The following SPTBN1 variants were observed in gnomAD, a reference collection of about 807,000 sequenced individuals.
SPTBN1 encodes the protein spectrin beta, non-erythrocytic 1.
Under a neutral mutation model 266.4 loss-of-function variants are expected in SPTBN1, and 32 were observed. The observed-to-expected ratio is 0.12, with a 90% CI of 0.09 to 0.16. The LOEUF (loss-of-function observed/expected upper bound fraction) is 0.16. Among genes scored for constraint, SPTBN1 ranks in the 10% least tolerant of loss-of-function variants. SPTBN1 has a pLI of 1.00. For missense variants in SPTBN1, 2,296 were observed against 3,067.1 expected, an observed-to-expected ratio of 0.75 and a Z score of 5.94; for synonymous variants, 1,336 against 1,162.2, an observed-to-expected ratio of 1.15 and a Z score of -3.04.
At chr2:54,556,781 C>T (rs1483156291) in intron 2 of SPTBN1, among the ~76,000 whole-genome samples, 1 of 151,946 alleles carries the variant, frequency 6.6e-6, no homozygotes, top group East Asian at 1.9e-4. Flanking sequence ...AGAACATTTC[C>T]ACATCATCTC....
intron 2 of SPTBN1, among the ~76,000 whole-genome samples, chr2:54,589,024 C>A (rs573379805): frequency 2.6e-5 from 4 of 152,044 alleles, no homozygotes; most frequent in African/African-American, 7.3e-5. Flanking sequence ...ATAATCACAT[C>A]GTGGAGAATG....
intron 1 of SPTBN1, among the ~76,000 whole-genome samples, chr2:54,486,619 A>AG (rs1470566069): frequency 6.6e-6 from 1 of 152,088 alleles, no homozygotes; most frequent in Non-Finnish European, 1.5e-5. Flanking sequence ...GGAAAACCAG[A>AG]GACCTTTTTT....
rs1223457938 is a variant in SPTBN1 at position 54,653,791 on chromosome 2, G to A, written c.5760G>A (p.Val1920=). The A allele has an allele frequency of 6.2e-7, 1 of 1,614,226 alleles. No individual in the cohort carries two copies. The highest frequency in any genetic ancestry group is 1.6e-4 in the Middle Eastern group (1 of 6,062). The change falls in exon 27 of 36, where the codon GTG becomes GTA. Residue 1920 remains valine (V), a synonymous_variant. Coordinates refer to ENST00000356805, the MANE Select transcript of SPTBN1 (RefSeq NM_003128.3). The surrounding 1 kb of genome is among the most constrained non-coding windows in gnomAD (Gnocchi z 5.1). ...TGDKFRFFSM[V]RDLMLWMEDV... Reference sequence around the variant, plus strand: ...ACAAGTTCCGCTTCTTCAGCATGGTGCGCGACCTCATGCTCTGGATGGAGG... The same window carrying A: ...ACAAGTTCCGCTTCTTCAGCATGGTACGCGACCTCATGCTCTGGATGGAGG...
intron 1 of SPTBN1, among the ~76,000 whole-genome samples, chr2:54,484,359 T>C (rs1481535320): frequency 2.0e-5 from 3 of 152,232 alleles, no homozygotes; most frequent in Non-Finnish European, 4.4e-5. Flanking sequence ...AGAAGAGGCC[T>C]GCTCTCCTTC....
chr2:54,457,049 G>A (rs1042279718), intron 1 of SPTBN1, among the ~76,000 whole-genome samples: 2 of 151,648 alleles, frequency 1.3e-5, no homozygotes, highest in African/African-American at 4.8e-5. Context: ...CAGGGGATGC[G>A]GCCAGGCGTG....
At chr2:54,551,276 A>G (rs1672550064) in intron 2 of SPTBN1, among the ~76,000 whole-genome samples, 1 of 152,202 alleles carries the variant, frequency 6.6e-6, no homozygotes, top group Admixed American at 6.5e-5. Context: ...TCTGGGCAAG[A>G]GCAGGCCTGG....
At chr2:54,651,243 A>G (rs943440049) in intron 26 of SPTBN1, among the ~76,000 whole-genome samples, 27 of 152,254 alleles carry the variant, frequency 1.8e-4, no homozygotes, top group African/African-American at 5.8e-4. Flanking sequence ...TTGCTCTCTC[A>G]TTTTTTCATT....
intron 2 of SPTBN1, among the ~76,000 whole-genome samples, chr2:54,559,611 T>G (rs1377802844): frequency 2.6e-5 from 4 of 152,326 alleles, no homozygotes; most frequent in African/African-American, 9.6e-5. Flanking sequence ...ACCAGTGTGC[T>G]GTTTTCCCTG....
At chr2:54,490,097 G>C (rs1042877975) in intron 1 of SPTBN1, among the ~76,000 whole-genome samples, 1 of 78,072 alleles carries the variant, frequency 1.3e-5, no homozygotes, top group East Asian at 3.5e-4. Flanking sequence ...TTTTTTTTTT[G>C]TGAGGCGGAG....
Position 54,653,494 on chromosome 2 carries a change from C to T in SPTBN1, c.5578-115C>T, listed in dbSNP as rs2104142066. ...TTGAGGGCTCCTTAAGGGGCATGGG[C>T]CATATTTTGACTCTGTGCTCCCTTT... On this transcript the variant is annotated intron_variant, in intron 26 of 35. Transcript: ENST00000356805. The surrounding 1 kb of genome is among the most constrained non-coding windows in gnomAD (Gnocchi z 5.1). 6.7e-7 allele frequency: 1 copy of T among 1,488,494 alleles called. No homozygotes were observed. Among genetic ancestry groups the T allele is most frequent in the Non-Finnish European group, 8.9e-7 (1 of 1,121,738 alleles). 92.2% of individuals were successfully genotyped at this position (1,488,494 alleles called of 1,614,324 possible).
intron 33 of SPTBN1, among the ~76,000 whole-genome samples, chr2:54,665,266 T>C (rs909754294): frequency 2.6e-5 from 4 of 152,188 alleles, no homozygotes; most frequent in Admixed American, 6.5e-5. Flanking sequence ...GTGCAGTTTG[T>C]TGCTGTGTGA....
chr2:54,592,264 G>A (rs72920521), intron 2 of SPTBN1, among the ~76,000 whole-genome samples: 2 of 152,156 alleles, frequency 1.3e-5, no homozygotes, highest in Admixed American at 6.5e-5. Flanking sequence ...AAAAAGAAAA[G>A]AAGTAGATGT....
intron 2 of SPTBN1, among the ~76,000 whole-genome samples, chr2:54,574,022 TAAATC>T (rs1674282074): frequency 2.0e-5 from 3 of 152,258 alleles, no homozygotes; most frequent in South Asian, 4.1e-4. Context: ...AACTCATAAT[TAAATC>T]TAAGAAATTT....
Position 54,618,118 on chromosome 2 carries a change from G to A in SPTBN1, c.688G>A (p.Ala230Thr), listed in dbSNP as rs760099132. ...IDFDKLKKSN[A>T]HYNLQNAFNL... The stretch of plus-strand genomic sequence containing the variant: ...TTTTGACAAACTAAAGAAATCTAAC[G>A]CACACTACAACCTGCAGAATGCATT... Residue 230 changes from alanine to threonine, a missense_variant, in exon 7 of 36, where the codon GCA becomes ACA. This residue lies in a region of SPTBN1 where 178 missense variants were observed against 375.7 expected (regional missense o/e 0.47). Coordinates refer to ENST00000356805, the MANE Select transcript of SPTBN1 (RefSeq NM_003128.3). 2.9e-5 allele frequency: 47 copies of A among 1,613,950 alleles called. No homozygotes were observed. Among genetic ancestry groups the A allele is most frequent in the Non-Finnish European group, 3.3e-5 (39 of 1,179,992 alleles).
chr2:54,491,299 C>A (rs554787301), intron 1 of SPTBN1, among the ~76,000 whole-genome samples: 1 of 152,242 alleles, frequency 6.6e-6, no homozygotes, highest in African/African-American at 2.4e-5. Flanking sequence ...TCTCCAAAAC[C>A]ATACTCAAGG....
chr2:54,599,673 C>A (rs1676345944), intron 3 of SPTBN1, among the ~76,000 whole-genome samples: 1 of 152,186 alleles, frequency 6.6e-6, no homozygotes, highest in African/African-American at 2.4e-5. Context: ...GCATTGAATT[C>A]AGTGGCCACT....
At chr2:54,464,794 G>T (rs759550015) in intron 1 of SPTBN1, among the ~76,000 whole-genome samples, 1 of 152,100 alleles carries the variant, frequency 6.6e-6, no homozygotes, top group Non-Finnish European at 1.5e-5. Flanking sequence ...GGTTCAAGCA[G>T]TCCTCCTGCC....
chr2:54,643,266 C>G (rs532307137), intron 19 of SPTBN1, 137 bp downstream of exon 19: 1 of 1,295,512 alleles, frequency 7.7e-7, no homozygotes, highest in Admixed American at 2.7e-5. Flanking sequence ...GTAATAGCTC[C>G]CTTTGCACGT....
chr2:54,636,352 A>C (rs1399138221), intron 17 of SPTBN1, among the ~76,000 whole-genome samples: 1 of 152,240 alleles, frequency 6.6e-6, no homozygotes. Flanking sequence ...ACTGTAATTT[A>C]CATAATATAA....
Sources: allele counts gnomAD v4.1 joint callset (sites outside exome capture counted in the v4.1 genomes callset), GRCh38; gene constraint gnomAD v4.1.1; regional missense constraint gnomAD v4.1.1; non-coding constraint Gnocchi (gnomAD v3.1); transcripts MANE v1.5; gene names NCBI Gene and HGNC (gene_info 2026-07-23, HGNC 2026-07-21).